Variants in GRK1 observed in about 807,000 individuals in gnomAD.
GRK1 encodes the protein G protein-coupled receptor kinase 1, also known as rhodopsin kinase GRK1.
A neutral mutation model predicts 41.7 loss-of-function variants in GRK1; 28 were observed. That is an observed-to-expected ratio of 0.67 (90% CI 0.50 to 0.92). The LOEUF is 0.92. Ranked by LOEUF, GRK1 falls within the 40% of genes least tolerant of loss-of-function variation. The probability of loss-of-function intolerance (pLI) is 0.00; values close to 1 mark genes in which losing one functional copy is unlikely to be tolerated. For missense variants in GRK1, 703 were observed against 671.2 expected, an observed-to-expected ratio of 1.05 and a Z score of -0.52; for synonymous variants, 327 against 286.7, an observed-to-expected ratio of 1.14 and a Z score of -1.42.
chr13:113,650,540 G>A, the GRK1 span: 163 of 1,567,870 alleles, frequency 1.0e-4, no homozygotes, highest in African/African-American at 1.8e-4. This position sits in a 1 kb window ranked among gnomAD's most constrained non-coding sequence, Gnocchi z 5.0. Flanking sequence ...TGAGTCAGGC[G>A]GGAGCTGGTG....
chr13:113,659,360 T>C, the GRK1 span, among the ~76,000 whole-genome samples: 5,225 of 152,304 alleles, frequency 0.034, 341 homozygotes, highest in African/African-American at 0.12. Context: ...TAGCCCTGTG[T>C]GTCCAGAATT....
rs993216308 is a variant in GRK1 at position 113,735,943 on chromosome 13, C to T, written c.*580C>T. On this transcript the variant is annotated 3_prime_UTR_variant, in exon 7 of 7. Coordinates refer to ENST00000335678, the MANE Select transcript of GRK1 (RefSeq NM_002929.3). ...TGCACGCCACATGGTCCCCTGCACC[C>T]TGCGGCGCCGTGGTCCTCTGCACAC... The T allele has an allele frequency of 2.6e-5, 4 of 152,318 alleles. No individual in the cohort carries two copies. The highest frequency in any genetic ancestry group is 9.7e-5 in the African/African-American group (4 of 41,438). 9.4% of individuals were successfully genotyped at this position (152,318 alleles called of 1,614,324 possible).
chr13:113,730,808 G>A (rs902153870), intron 4 of GRK1, among the ~76,000 whole-genome samples: 4 of 152,242 alleles, frequency 2.6e-5, no homozygotes, highest in Non-Finnish European at 4.4e-5. Flanking sequence ...CCCAGAATGT[G>A]GAAGACCCGC....
chr13:113,733,932 G>A lies in GRK1; in HGVS notation c.1396+847G>A, dbSNP rs868252655. 4.5e-3 allele frequency among the ~76,000 whole-genome samples: 614 copies of A among 135,898 alleles called. 19 individuals are homozygous for A. The highest frequency in any genetic ancestry group is 0.018 in the African/African-American group (573 of 31,828). The allele number at this position is 135,898 out of a possible 152,430, so 89.2% of individuals were successfully genotyped here. A position where few individuals can be genotyped will look rare whatever the true frequency, so the allele number is the denominator to read the frequency against. On this transcript the variant is annotated intron_variant, in intron 6 of 6. Coordinates refer to ENST00000335678, the MANE Select transcript of GRK1 (RefSeq NM_002929.3). The stretch of plus-strand genomic sequence containing the variant: ...ATACAGTGTGCGTGTGTGCATGTGT[G>A]CATACGTGTGTGCGTGTGTGTGCAT...
intron 4 of GRK1, among the ~76,000 whole-genome samples, chr13:113,729,331 G>A (rs1180673818): frequency 6.6e-6 from 1 of 152,226 alleles, no homozygotes; most frequent in Non-Finnish European, 1.5e-5. Flanking sequence ...AGCGTGGAGT[G>A]GAAAGTGTGT....
At chr13:113,727,082 G>T (rs368649726) in intron 4 of GRK1, among the ~76,000 whole-genome samples, 1 of 152,248 alleles carries the variant, frequency 6.6e-6, no homozygotes, top group Admixed American at 6.5e-5. Context: ...ACTGTGTGCC[G>T]GGTTGGCCTC....
chr13:113,671,938 C>T lies in GRK1; in HGVS notation c.985+282C>T, dbSNP rs1361159782. 6.6e-6 allele frequency among the ~76,000 whole-genome samples: 1 copy of T among 152,080 alleles called. No homozygotes were observed. Among genetic ancestry groups the T allele is most frequent in the Admixed American group, 6.5e-5 (1 of 15,274 alleles). The stretch of plus-strand genomic sequence containing the variant: ...AATGAGGCGTCACACAGGGATTCTT[C>T]TCAGAAATAAACACGAGGGTTTAGG... On this transcript the variant is annotated intron_variant, in intron 3 of 6. Transcript: ENST00000335678. The surrounding 1 kb of genome is among the most constrained non-coding windows in gnomAD (Gnocchi z 4.1).
In GRK1 at chr13:113,735,125, A is replaced by G; in HGVS notation, c.1454A>G (p.Gln485Arg). Reference sequence around the variant, plus strand: ...AAAACTGTCTACGCAAAGGATATTCAGGACGTGGGTGCCTTTTCCACCGTC... The same window carrying G: ...AAAACTGTCTACGCAAAGGATATTCGGGACGTGGGTGCCTTTTCCACCGTC... ...DSKTVYAKDI[Q>R]DVGAFSTVKG... Residue 485 changes from glutamine to arginine, a missense_variant, in exon 7 of 7, where the codon CAG becomes CGG. Transcript: ENST00000335678. The G allele has an allele frequency of 6.5e-7, 1 of 1,537,038 alleles. No individual in the cohort carries two copies. Among genetic ancestry groups the G allele is most frequent in the Non-Finnish European group, 8.7e-7 (1 of 1,146,772 alleles).
At chr13:113,733,673 GTGTGTGCATGTA>G (rs1488494464) in intron 6 of GRK1, among the ~76,000 whole-genome samples, 1 of 83,842 alleles carries the variant, frequency 1.2e-5, no homozygotes, top group Admixed American at 1.1e-4. Flanking sequence ...GTGTGTGCAC[GTGTGTGCATGTA>G]TGTGTGCATA....
At chr13:113,733,871 GTGTGTGCA>G (rs1454164069) in intron 6 of GRK1, among the ~76,000 whole-genome samples, 1 of 124,654 alleles carries the variant, frequency 8.0e-6, no homozygotes, top group Non-Finnish European at 1.6e-5. Context: ...ACGTGTGTGC[GTGTGTGCA>G]TACGTGTGTG....
In GRK1 at chr13:113,735,494, G is replaced by A. The variant is rs1201116035; in HGVS notation, c.*131G>A. 11 of 1,040,398 alleles carry A rather than the reference G, an allele frequency of 1.1e-5. No individual in the cohort carries two copies. Among genetic ancestry groups the A allele is most frequent in the African/African-American group, 1.6e-5 (1 of 61,944 alleles). 64.4% of individuals were successfully genotyped at this position (1,040,398 alleles called of 1,614,324 possible). A position where few individuals can be genotyped will look rare whatever the true frequency, so the allele number is the denominator to read the frequency against. On this transcript the variant is annotated 3_prime_UTR_variant, in exon 7 of 7. Transcript: ENST00000335678. ...TTCCCTCCACCCAGGTCCCCATCACGCCATCTCCTTGCGGCCCAAGGAGGA... is the reference window on the plus strand; with the variant it reads ...TTCCCTCCACCCAGGTCCCCATCACACCATCTCCTTGCGGCCCAAGGAGGA...
At position 113,731,813 on chromosome 13, in the gene GRK1, G is replaced by C. The variant is rs1346315639; in HGVS notation, c.1194+470G>C. ...TGAGGCTGGGGCTCTGGGGGACACG[G>C]AGTCGGCTCCCCCTCCCTGGACGGT... On this transcript the variant is annotated intron_variant, in intron 5 of 6. Transcript: ENST00000335678. The surrounding 1 kb of genome is among the most constrained non-coding windows in gnomAD (Gnocchi z 5.6). 6.6e-6 allele frequency among the ~76,000 whole-genome samples: 1 copy of C among 152,202 alleles called. No homozygotes were observed. Among genetic ancestry groups the C allele is most frequent in the Non-Finnish European group, 1.5e-5 (1 of 68,024 alleles).
At chr13:113,656,040 G>A in the GRK1 span, among the ~76,000 whole-genome samples, 1 of 152,240 alleles carries the variant, frequency 6.6e-6, no homozygotes, top group Non-Finnish European at 1.5e-5. Flanking sequence ...TCCTTTCCCC[G>A]CCGGGCGTCC....
At position 113,731,207 on chromosome 13, in the gene GRK1, C is replaced by T. The variant is rs1487983127; in HGVS notation, c.1070-12C>T. ...TGACCACCTCTGAACCCGCAATGTC[C>T]CTTGCTGGCAGGTTTCATGGCCCCC... On this transcript the variant is annotated splice_polypyrimidine_tract_variant and intron_variant, in intron 4 of 6. Transcript: ENST00000335678. The surrounding 1 kb of genome is among the most constrained non-coding windows in gnomAD (Gnocchi z 5.6). 1 of 1,536,654 alleles carries T rather than the reference C, an allele frequency of 6.5e-7. No homozygotes were observed. The highest frequency in any genetic ancestry group is 8.7e-7 in the Non-Finnish European group (1 of 1,146,608).
chr13:113,732,827 T>C (rs1351875050), intron 5 of GRK1, 57 bp from the exon 6 acceptor site: 7 of 1,523,896 alleles, frequency 4.6e-6, no homozygotes, highest in Non-Finnish European at 6.2e-6. Flanking sequence ...TGTGGTCTGG[T>C]CTGACCACCC....
chr13:113,649,451 C>T, the GRK1 span: 3 of 1,572,462 alleles, frequency 1.9e-6, no homozygotes, highest in Non-Finnish European at 2.6e-6. This position sits in a 1 kb window ranked among gnomAD's most constrained non-coding sequence, Gnocchi z 4.7. Context: ...ACGTGCTCCG[C>T]CATGACCTTG....
the GRK1 span, among the ~76,000 whole-genome samples, chr13:113,656,654 C>T: frequency 1.3e-5 from 2 of 152,196 alleles, no homozygotes; most frequent in South Asian, 2.1e-4. Flanking sequence ...ACCCGTCCCC[C>T]AATTAGTAAG....
At chr13:113,665,823 C>G (rs1407002105), upstream of GRK1, among the ~76,000 whole-genome samples, 1 of 139,832 alleles carries the variant, frequency 7.2e-6, no homozygotes, top group African/African-American at 2.7e-5. Context: ...TCCCCAACTG[C>G]ATTTCAGGTG....
At chr13:113,650,185 G>T in the GRK1 span, among the ~76,000 whole-genome samples, 2 of 149,948 alleles carry the variant, frequency 1.3e-5, no homozygotes, top group Non-Finnish European at 3.0e-5. The surrounding 1 kb of genome is among the most constrained non-coding windows in gnomAD (Gnocchi z 5.0). Context: ...AAAAAAAAAA[G>T]TTGAAGAGTT....
Sources: gnomAD v4.1 joint callset for allele counts (sites outside exome capture counted in the v4.1 genomes callset) on GRCh38, gnomAD v4.1.1 for gene constraint, Gnocchi (gnomAD v3.1) non-coding constraint, MANE v1.5 for transcripts, NCBI Gene and HGNC (gene_info 2026-07-23, HGNC 2026-07-21) for gene names.